Variants in SGMS1 observed in about 807,000 individuals in gnomAD.
The protein encoded by SGMS1 is phosphatidylcholine:ceramide cholinephosphotransferase 1.
Under a neutral mutation model 46.2 loss-of-function variants are expected in SGMS1, and 13 were observed. The observed-to-expected ratio is 0.28, with a 90% CI of 0.18 to 0.45. The LOEUF (loss-of-function observed/expected upper bound fraction) is 0.45, where lower values mean the gene tolerates loss of function less well. Ranked by LOEUF, SGMS1 falls within the 20% of genes least tolerant of loss-of-function variation. The pLI, the probability that SGMS1 is intolerant of heterozygous loss-of-function variation, is 1.00. For synonymous variants in SGMS1, 203 were observed against 187.8 expected, an observed-to-expected ratio of 1.08 and a Z score of -0.66; for missense variants, 324 against 519.9, an observed-to-expected ratio of 0.62 and a Z score of 3.66.
At chr10:50,484,794 C>T (rs180752348) in intron 3 of SGMS1, among the ~76,000 whole-genome samples, 1 of 152,054 alleles carries the variant, frequency 6.6e-6, no homozygotes, top group Middle Eastern at 3.2e-3. Flanking sequence ...AAGACAAAAA[C>T]CACATGATTA....
intron 3 of SGMS1, among the ~76,000 whole-genome samples, chr10:50,476,098 A>AC (rs979726662): frequency 2.3e-4 from 3 of 13,042 alleles, no homozygotes; most frequent in African/African-American, 1.2e-3. Context: ...CTAAAAATAC[A>AC]AAAAAAAAAA....
At chr10:50,487,003 T>C (rs1439229447) in intron 3 of SGMS1, among the ~76,000 whole-genome samples, 1 of 152,236 alleles carries the variant, frequency 6.6e-6, no homozygotes, top group Admixed American at 6.5e-5. Flanking sequence ...TCATGTCCTT[T>C]GCAGGGACAT....
At chr10:50,610,820 T>C (rs1838742736) in intron 1 of SGMS1, among the ~76,000 whole-genome samples, 1 of 152,202 alleles carries the variant, frequency 6.6e-6, no homozygotes, top group Admixed American at 6.5e-5. Flanking sequence ...GAAAACTCCA[T>C]ACGAGCTGAG....
At chr10:50,486,253 A>G (rs1837520350) in intron 3 of SGMS1, among the ~76,000 whole-genome samples, 2 of 152,204 alleles carry the variant, frequency 1.3e-5, no homozygotes, top group South Asian at 4.1e-4. Context: ...CATAGGTTCA[A>G]GCAAAGATTT....
At chr10:50,607,192 A>G (rs4517466) in intron 1 of SGMS1, among the ~76,000 whole-genome samples, 2 of 150,054 alleles carry the variant, frequency 1.3e-5, no homozygotes, top group African/African-American at 4.9e-5. Flanking sequence ...TATCTTGTCA[A>G]GGCTGGTCTC....
chr10:50,613,239 A>G (rs749830471), intron 1 of SGMS1, among the ~76,000 whole-genome samples: 10 of 152,348 alleles, frequency 6.6e-5, no homozygotes, highest in Non-Finnish European at 1.3e-4. Context: ...ACACAGGGAA[A>G]CTGGGCAGGT....
intron 5 of SGMS1, among the ~76,000 whole-genome samples, chr10:50,457,714 G>T (rs1837210460): frequency 6.6e-6 from 1 of 152,104 alleles, no homozygotes; most frequent in Non-Finnish European, 1.5e-5. Flanking sequence ...TGGTCTCCAG[G>T]TGCATCCATG....
At chr10:50,498,868 AT>A (rs1171830800) in intron 3 of SGMS1, among the ~76,000 whole-genome samples, 2 of 152,032 alleles carry the variant, frequency 1.3e-5, no homozygotes, top group African/African-American at 4.8e-5. Context: ...TCTATTTTTA[AT>A]TTTTTTCAGG....
chr10:50,559,902 T>C (rs1838218674), intron 2 of SGMS1, among the ~76,000 whole-genome samples: 2 of 152,056 alleles, frequency 1.3e-5, no homozygotes, highest in South Asian at 2.1e-4. Flanking sequence ...CTCTTCTTTA[T>C]ACACAGGAAA....
At chr10:50,622,352 G>A (rs546567417) in intron 1 of SGMS1, among the ~76,000 whole-genome samples, 1 of 152,092 alleles carries the variant, frequency 6.6e-6, no homozygotes, top group South Asian at 2.1e-4. Context: ...GCGTTCCTAC[G>A]TCACCAGTCC....
At chr10:50,563,412 A>G (rs1282620312) in intron 2 of SGMS1, among the ~76,000 whole-genome samples, 1 of 152,222 alleles carries the variant, frequency 6.6e-6, no homozygotes, top group Non-Finnish European at 1.5e-5. Context: ...TATAAAACAC[A>G]ATGATACTAA....
intron 6 of SGMS1, among the ~76,000 whole-genome samples, chr10:50,351,705 C>T (rs1848016988): frequency 6.6e-6 from 1 of 152,166 alleles, no homozygotes; most frequent in Non-Finnish European, 1.5e-5. Flanking sequence ...TTGCCTCCTG[C>T]CATGATTCTG....
intron 6 of SGMS1, among the ~76,000 whole-genome samples, chr10:50,406,024 T>C (rs1849009183): frequency 2.0e-5 from 3 of 152,072 alleles, no homozygotes; most frequent in South Asian, 4.1e-4. Flanking sequence ...TAAATATATA[T>C]ATACACACAC....
At chr10:50,312,861 A>G (rs926010536) in intron 8 of SGMS1, among the ~76,000 whole-genome samples, 1 of 152,228 alleles carries the variant, frequency 6.6e-6, no homozygotes, top group Non-Finnish European at 1.5e-5. Flanking sequence ...AGGACTTCAC[A>G]GTAGCTCACA....
chr10:50,561,433 T>C (rs958448865), intron 2 of SGMS1, among the ~76,000 whole-genome samples: 3 of 152,228 alleles, frequency 2.0e-5, no homozygotes, highest in Non-Finnish European at 4.4e-5. Flanking sequence ...CGAGCACTGC[T>C]GGGTTAGAGG....
chr10:50,490,457 G>GTAGC (rs1373181768), intron 3 of SGMS1, among the ~76,000 whole-genome samples: 1 of 152,170 alleles, frequency 6.6e-6, no homozygotes, highest in African/African-American at 2.4e-5. Flanking sequence ...TGGGTCCAAG[G>GTAGC]TAGCTAAATG....
At chr10:50,478,022 T>A (rs1370095351) in intron 3 of SGMS1, among the ~76,000 whole-genome samples, 1 of 152,224 alleles carries the variant, frequency 6.6e-6, no homozygotes, top group Non-Finnish European at 1.5e-5. Flanking sequence ...CAAATGGCAA[T>A]GACATAACAA....
rs74321334 is a variant in SGMS1, at chr10:50,428,543, C to T, written c.-232+4933G>A. 1.6e-3 allele frequency among the ~76,000 whole-genome samples: 246 copies of T among 152,250 alleles called. 1 individual carries two copies. Among genetic ancestry groups the T allele is most frequent in the Non-Finnish European group, 1.5e-3 (101 of 68,014 alleles). On this transcript the variant is annotated intron_variant, in intron 6 of 10. Transcript: ENST00000361781. ...AAAATGGCTAGAGCTGAGCTTTCTT[C>T]CCCCCGTAATGATAGAAGCTGTCCT... is the stretch of plus-strand genomic sequence containing the variant.
chr10:50,562,436 CCCA>C (rs1439183745), intron 2 of SGMS1, among the ~76,000 whole-genome samples: 1 of 152,120 alleles, frequency 6.6e-6, no homozygotes, highest in African/African-American at 2.4e-5. Context: ...TCACCTTCCC[CCCA>C]CCACCTCTCT....
Sources: allele counts gnomAD v4.1 joint callset (sites outside exome capture counted in the v4.1 genomes callset), GRCh38; gene constraint gnomAD v4.1.1; transcripts MANE v1.5; gene names NCBI Gene and HGNC (gene_info 2026-07-23, HGNC 2026-07-21).